Variants in CAST observed in about 807,000 individuals in gnomAD.
CAST encodes calpastatin.
A neutral mutation model predicts 119.6 loss-of-function variants in CAST; 76 were observed. The observed-to-expected ratio is 0.64, with a 90% CI of 0.53 to 0.77. CAST has a LOEUF of 0.77. Among genes scored for constraint, CAST ranks in the 30% least tolerant of loss-of-function variants. The pLI is 0.00. For synonymous variants in CAST, 319 were observed against 331.6 expected, an observed-to-expected ratio of 0.96 and a Z score of 0.41; for missense variants, 953 against 946.5, an observed-to-expected ratio of 1.01 and a Z score of -0.09.
the CAST span, among the ~76,000 whole-genome samples, chr5:96,087,307 G>A: frequency 6.6e-6 from 1 of 152,210 alleles, no homozygotes. Flanking sequence ...AAGAGTGTGT[G>A]TGCATTTATT....
chr5:96,570,076 T>C (rs1746543880), intron 1 of CAST, among the ~76,000 whole-genome samples: 1 of 152,194 alleles, frequency 6.6e-6, no homozygotes, highest in South Asian at 2.1e-4. Flanking sequence ...CTAAAATCCG[T>C]TGCTCACTTG....
At chr5:96,227,164 G>A in the CAST span, among the ~76,000 whole-genome samples, 1 of 152,162 alleles carries the variant, frequency 6.6e-6, no homozygotes, top group East Asian at 1.9e-4. Context: ...AGAGGCAGCT[G>A]TGTAATTCTC....
chr5:96,105,168 A>C, the CAST span, among the ~76,000 whole-genome samples: 1 of 150,084 alleles, frequency 6.7e-6, no homozygotes, highest in African/African-American at 2.5e-5. Context: ...ATATACAATC[A>C]TGTCGTCTGC....
the CAST span, chr5:96,393,312 C>CGCT: frequency 1.2e-6 from 2 of 1,614,062 alleles, no homozygotes; most frequent in Non-Finnish European, 1.7e-6. Context: ...CGGCCCCCTA[C>CGCT]GCTGCTGCTG....
upstream of CAST, among the ~76,000 whole-genome samples, chr5:96,525,878 G>A (rs144640773): frequency 6.6e-6 from 1 of 152,326 alleles, no homozygotes; most frequent in East Asian, 1.9e-4. Context: ...TGAGGCTGGA[G>A]ACATTCGTCA....
the CAST span, among the ~76,000 whole-genome samples, chr5:96,020,042 G>A: frequency 6.6e-6 from 1 of 151,932 alleles, no homozygotes; most frequent in Non-Finnish European, 1.5e-5. Context: ...ATTTTATTTG[G>A]TGTTTCAATA....
chr5:95,999,490 C>T, the CAST span, among the ~76,000 whole-genome samples: 10 of 152,104 alleles, frequency 6.6e-5, no homozygotes, highest in Non-Finnish European at 1.3e-4. Flanking sequence ...GCTGGGACCA[C>T]AGGCACCGGT....
the CAST span, among the ~76,000 whole-genome samples, chr5:95,973,962 TGA>T: frequency 2.0e-5 from 3 of 151,832 alleles, no homozygotes; most frequent in Non-Finnish European, 4.4e-5. Context: ...GCATTTAAGT[TGA>T]GTTTCTCTGC....
chr5:96,768,263 T>C, intron 29 of CAST: 2 of 446,340 alleles, frequency 4.5e-6, no homozygotes, highest in Non-Finnish European at 8.3e-6. Flanking sequence ...TTTGTATTTT[T>C]TTGTAGAGAG....
At chr5:96,429,096 A>G in the CAST span, 2 of 663,866 alleles carry the variant, frequency 3.0e-6, no homozygotes, top group East Asian at 5.2e-5. Flanking sequence ...CAGATAAACA[A>G]TCTTGGTCAC....
At chr5:96,661,233 G>A (rs1306639087), upstream of CAST, among the ~76,000 whole-genome samples, 3 of 141,646 alleles carry the variant, frequency 2.1e-5, no homozygotes, top group Non-Finnish European at 4.5e-5. Context: ...TCTGACCAAC[G>A]TGGTGAAACC....
At chr5:96,693,570 A>C (rs893834793) in intron 2 of CAST, among the ~76,000 whole-genome samples, 6 of 152,244 alleles carry the variant, frequency 3.9e-5, no homozygotes, top group Admixed American at 1.3e-4. Flanking sequence ...CATTGAAAAC[A>C]GACCTAACCT....
chr5:96,626,912 T>A (rs1052901031), intron 1 of CAST, among the ~76,000 whole-genome samples: 1 of 152,212 alleles, frequency 6.6e-6, no homozygotes, highest in Non-Finnish European at 1.5e-5. Context: ...ATAAGCTCTA[T>A]CCTTTATCTT....
At chr5:96,332,141 A>T in the CAST span, among the ~76,000 whole-genome samples, 2 of 152,244 alleles carry the variant, frequency 1.3e-5, no homozygotes, top group African/African-American at 4.8e-5. Flanking sequence ...TTTATACAAG[A>T]GATCAATAAA....
chr5:96,121,971 TCTTC>T, the CAST span, among the ~76,000 whole-genome samples: 1 of 152,232 alleles, frequency 6.6e-6, no homozygotes. Context: ...GAATATCTTT[TCTTC>T]CTTCTGCAAT....
chr5:96,622,911 T>A (rs1431089802), intron 1 of CAST, among the ~76,000 whole-genome samples: 1 of 97,312 alleles, frequency 1.0e-5, no homozygotes, highest in Non-Finnish European at 2.0e-5. Context: ...TCGCCCAGGC[T>A]GGAGTGCAGT....
intron 1 of CAST, among the ~76,000 whole-genome samples, chr5:96,556,156 G>A (rs959392897): frequency 6.6e-6 from 1 of 152,214 alleles, no homozygotes; most frequent in Admixed American, 6.5e-5. Context: ...GGTCCTGACT[G>A]TTAGAAGGAA....
intron 1 of CAST, among the ~76,000 whole-genome samples, chr5:96,593,487 C>G (rs575695245): frequency 2.0e-5 from 3 of 152,134 alleles, no homozygotes; most frequent in Admixed American, 1.3e-4. Context: ...TTGAAATTCT[C>G]AATAATTTTA....
the CAST span, among the ~76,000 whole-genome samples, chr5:96,229,933 C>T: frequency 6.6e-6 from 1 of 152,172 alleles, no homozygotes; most frequent in African/African-American, 2.4e-5. Context: ...TCCTTGTTGT[C>T]CTTCTCCCAC....
Sources: gnomAD v4.1 joint callset for allele counts (sites outside exome capture counted in the v4.1 genomes callset) on GRCh38, gnomAD v4.1.1 for gene constraint, MANE v1.5 for transcripts, NCBI Gene and HGNC (gene_info 2026-07-23, HGNC 2026-07-21) for gene names.